Variants in PPP6R3 observed in about 807,000 individuals in gnomAD.
PPP6R3 encodes the protein protein phosphatase 6 regulatory subunit 3.
Under a neutral mutation model 110.7 loss-of-function variants are expected in PPP6R3, and 38 were observed. That is an observed-to-expected ratio of 0.34 (90% CI 0.26 to 0.45). The LOEUF (loss-of-function observed/expected upper bound fraction) is 0.45, where lower values mean the gene tolerates loss of function less well. PPP6R3 is among the 20% of genes least tolerant of loss of function. PPP6R3 has a pLI of 1.00. For missense variants in PPP6R3, 870 were observed against 1,062.4 expected (o/e 0.82, Z 2.52); for synonymous variants, 369 against 373.5 (o/e 0.99, Z 0.14).
intron 18 of PPP6R3, among the ~76,000 whole-genome samples, chr11:68,594,319 A>AGT (rs2099605712): frequency 1.4e-5 from 2 of 140,356 alleles, no homozygotes; most frequent in African/African-American, 5.6e-5. Context: ...AGAGAGAGAG[A>AGT]AAAAGAGAGA....
chr11:68,543,878 G>C (rs1442844898), intron 3 of PPP6R3, among the ~76,000 whole-genome samples: 3 of 152,196 alleles, frequency 2.0e-5, no homozygotes, highest in Non-Finnish European at 4.4e-5. Flanking sequence ...TGGACCTGCT[G>C]CCTGTTTGCA....
chr11:68,464,940 G>A (rs1345106210), intron 1 of PPP6R3, among the ~76,000 whole-genome samples: 1 of 150,702 alleles, frequency 6.6e-6, no homozygotes, highest in Non-Finnish European at 1.5e-5. Context: ...GGAGTGCAGT[G>A]GCATGATCTT....
chr11:68,471,475 C>T (rs1404051386), intron 1 of PPP6R3, among the ~76,000 whole-genome samples: 3 of 151,896 alleles, frequency 2.0e-5, no homozygotes, highest in African/African-American at 7.3e-5. Context: ...GTGCTGCTGC[C>T]GTGAGGTCAC....
At chr11:68,603,153 T>G (rs2099636899) in intron 21 of PPP6R3, among the ~76,000 whole-genome samples, 189 bp from the exon 22 acceptor site, 1 of 151,948 alleles carries the variant, frequency 6.6e-6, no homozygotes, top group South Asian at 2.1e-4. Context: ...AAACCCCTCT[T>G]TAGTGGGCAT....
In PPP6R3 at chr11:68,558,685, C is replaced by G. The variant is rs766349608; in HGVS notation, c.845+6C>G. On this transcript the variant is annotated splice_donor_region_variant and intron_variant, in intron 8 of 23. Coordinates refer to ENST00000393800, the MANE Select transcript of PPP6R3 (RefSeq NM_001164161.2). Reference sequence around the variant, plus strand: ...CTTGAGACACGACGACCAACGTAAGCTTTTCTTATATCTTACAAAATGAAC... The same window carrying G: ...CTTGAGACACGACGACCAACGTAAGGTTTTCTTATATCTTACAAAATGAAC... 70 of 1,585,322 alleles carry G rather than the reference C, an allele frequency of 4.4e-5. No homozygotes were observed. Among genetic ancestry groups the G allele is most frequent in the Non-Finnish European group, 6.0e-5 (69 of 1,156,766 alleles).
chr11:68,584,513 C>CT (rs2099572209), intron 15 of PPP6R3, among the ~76,000 whole-genome samples: 1 of 152,160 alleles, frequency 6.6e-6, no homozygotes, highest in African/African-American at 2.4e-5. Flanking sequence ...TGAAATACAG[C>CT]TTTAAGAAAA....
intron 13 of PPP6R3, 92 bp downstream of exon 13, chr11:68,574,316 T>G (rs1437952042): frequency 3.1e-6 from 3 of 965,060 alleles, no homozygotes; most frequent in Non-Finnish European, 4.8e-6. Context: ...TTTTTAATAG[T>G]GATTTGTGGG....
intron 1 of PPP6R3, among the ~76,000 whole-genome samples, chr11:68,497,818 GA>G (rs2099026634): frequency 6.6e-6 from 1 of 152,116 alleles, no homozygotes; most frequent in Non-Finnish European, 1.5e-5. Flanking sequence ...TCATATCTAA[GA>G]AAGTTTTGCC....
intron 1 of PPP6R3, among the ~76,000 whole-genome samples, chr11:68,501,428 A>G (rs2153480893): frequency 6.6e-6 from 1 of 152,306 alleles, no homozygotes; most frequent in African/African-American, 2.4e-5. Context: ...CCAGGTTCAA[A>G]TGATTCTCGT....
At chr11:68,487,001 C>A (rs11604885) in intron 1 of PPP6R3, among the ~76,000 whole-genome samples, 8 of 151,950 alleles carry the variant, frequency 5.3e-5, no homozygotes, top group Non-Finnish European at 1.0e-4. Flanking sequence ...GCTAGAGTTG[C>A]GCTGATTTTA....
At chr11:68,580,405 T>TAGGAGG (rs2099548841) in intron 14 of PPP6R3, among the ~76,000 whole-genome samples, 1 of 152,108 alleles carries the variant, frequency 6.6e-6, no homozygotes, top group Admixed American at 6.6e-5. Flanking sequence ...GGGCAAGAGC[T>TAGGAGG]AGGAGGAGGG....
chr11:68,544,971 G>T lies in PPP6R3; in HGVS notation c.361G>T (p.Ala121Ser). The T allele has an allele frequency of 6.2e-7, 1 of 1,609,518 alleles. No homozygotes were observed. ...CGATTCCCCTTTGAATCCACTACTT[G>T]CCAGTTTCTTCAGCAAGGTGCTAAG... The part of the protein sequence containing the change: ...LNDSPLNPLL[A>S]SFFSKVLSIL... The change falls in exon 4 of 24, where the codon GCC becomes TCC. Residue 121 changes from alanine to serine, a missense_variant. Coordinates refer to ENST00000393800, the MANE Select transcript of PPP6R3 (RefSeq NM_001164161.2).
chr11:68,609,588 C>G, intron 22 of PPP6R3: 2 of 1,551,500 alleles, frequency 1.3e-6, no homozygotes, highest in East Asian at 2.4e-5. Flanking sequence ...ATTTCTTTTT[C>G]TGTTTTGCAC....
At chr11:68,605,597 C>T (rs544075799) in intron 22 of PPP6R3, among the ~76,000 whole-genome samples, 1 of 152,100 alleles carries the variant, frequency 6.6e-6, no homozygotes, top group Non-Finnish European at 1.5e-5. Context: ...ATTTTTTTAA[C>T]CATAAAAAGC....
rs571962182 is a variant in PPP6R3 at position 68,606,972 on chromosome 11, A to G, written c.2451-2932A>G. ...GTAAGCAACCAGAACATAAAAAGCA[A>G]GGTATTATTCCAAAATACATCAAAA... On this transcript the variant is annotated intron_variant, in intron 22 of 23. Transcript: ENST00000393800. Among the ~76,000 whole-genome samples, 10 of 152,344 alleles carry G rather than the reference A, an allele frequency of 6.6e-5. No homozygotes were observed. The South Asian group carries it at 2.1e-3, about 32-fold the overall frequency.
At chr11:68,519,417 C>T (rs1018267193) in intron 1 of PPP6R3, 84 bp from the exon 2 acceptor site, 1 of 390,448 alleles carries the variant, frequency 2.6e-6, no homozygotes, top group Non-Finnish European at 4.5e-6. Flanking sequence ...GGCCCAAGAC[C>T]CTGACCCAGT....
At chr11:68,483,901 C>T (rs2098930704) in intron 1 of PPP6R3, among the ~76,000 whole-genome samples, 1 of 152,248 alleles carries the variant, frequency 6.6e-6, no homozygotes, top group African/African-American at 2.4e-5. Context: ...TACCTCCCTG[C>T]AACCTCTGGC....
intron 2 of PPP6R3, among the ~76,000 whole-genome samples, chr11:68,525,980 A>G (rs934169570): frequency 5.9e-5 from 9 of 152,238 alleles, no homozygotes; most frequent in Non-Finnish European, 1.0e-4. Context: ...TTTCTAGCCA[A>G]GCAGTTTCAC....
In PPP6R3 at chr11:68,528,461, T is replaced by C. The variant is rs1054534494; in HGVS notation, c.-7+8810T>C. 6.7e-5 allele frequency among the ~76,000 whole-genome samples: 10 copies of C among 148,568 alleles called. 1 individual carries two copies. The highest frequency in any genetic ancestry group is 2.5e-4 in the African/African-American group (10 of 40,622). On this transcript the variant is annotated intron_variant, in intron 2 of 23. Coordinates refer to ENST00000393800, the MANE Select transcript of PPP6R3 (RefSeq NM_001164161.2). ...GGGGGGGGGCTGCACCTTTATGAAA[T>C]TGACACTTCACTAAGAATGGAGAAA...
Sources: allele counts gnomAD v4.1 joint callset (sites outside exome capture counted in the v4.1 genomes callset), GRCh38; gene constraint gnomAD v4.1.1; transcripts MANE v1.5; gene names NCBI Gene and HGNC (gene_info 2026-07-23, HGNC 2026-07-21).